The following PPP3CC variants were observed in gnomAD, a reference collection of about 807,000 sequenced individuals.
PPP3CC encodes serine/threonine-protein phosphatase 2B catalytic subunit gamma isoform.
PPP3CC carries 35 observed loss-of-function variants against 60.3 expected under a neutral mutation model. That is an observed-to-expected ratio of 0.58 (90% CI 0.44 to 0.77). PPP3CC has a LOEUF of 0.77. PPP3CC is among the 30% of genes least tolerant of loss of function. PPP3CC has a pLI of 0.00. For synonymous variants in PPP3CC, 206 were observed against 224.3 expected (o/e 0.92, Z 0.73); for missense variants, 570 against 628.9 (o/e 0.91, Z 1.00).
intron 12 of PPP3CC, among the ~76,000 whole-genome samples, chr8:22,536,196 G>T (rs561384060): frequency 6.6e-6 from 1 of 152,086 alleles, no homozygotes; most frequent in Non-Finnish European, 1.5e-5. Context: ...AACTATTTCC[G>T]ATTGAATATT....
chr8:22,528,486 G>C lies in PPP3CC; in HGVS notation c.1070-20G>C. 6.8e-7 allele frequency: 1 copy of C among 1,476,622 alleles called. No individual in the cohort carries two copies. The highest frequency in any genetic ancestry group is 9.1e-7 in the Non-Finnish European group (1 of 1,098,750). The allele number at this position is 1,476,622 out of a possible 1,614,324, so 91.5% of individuals were successfully genotyped here. On this transcript the variant is annotated intron_variant, in intron 9 of 13. Transcript: ENST00000240139. ...TACCTCATTAATCGCGTAAATTTTG[G>C]ATTATTTTGTCTTACTTAGTCACAG...
chr8:22,464,714 C>G (rs1230705832), intron 1 of PPP3CC, among the ~76,000 whole-genome samples: 1 of 152,044 alleles, frequency 6.6e-6, no homozygotes, highest in Non-Finnish European at 1.5e-5. Flanking sequence ...ACTGATGATT[C>G]CAAGAGCCTT....
chr8:22,528,315 A>C (rs28764003), intron 9 of PPP3CC, among the ~76,000 whole-genome samples, 191 bp from the exon 10 acceptor site: 1 of 152,218 alleles, frequency 6.6e-6, no homozygotes, highest in Non-Finnish European at 1.5e-5. Flanking sequence ...TGGAGCAAGT[A>C]ATCTACCCAA....
chr8:22,519,167 G>A (rs1839337223), intron 6 of PPP3CC, among the ~76,000 whole-genome samples: 1 of 152,092 alleles, frequency 6.6e-6, no homozygotes, highest in South Asian at 2.1e-4. Flanking sequence ...CTGACTTAAA[G>A]TTTATTTTGT....
intron 6 of PPP3CC, among the ~76,000 whole-genome samples, chr8:22,519,067 G>A (rs564391958): frequency 6.6e-6 from 1 of 152,132 alleles, no homozygotes; most frequent in African/African-American, 2.4e-5. Flanking sequence ...TTGATGTTGG[G>A]CACATATATA....
rs71206523 is a variant in PPP3CC at position 22,496,485 on chromosome 8, C to CTTTTTT, written c.373-1491_373-1486dup. Among the ~76,000 whole-genome samples, 25 of 43,582 alleles carry CTTTTTT rather than the reference C, an allele frequency of 5.7e-4. 6 individuals are homozygous for CTTTTTT. The highest frequency in any genetic ancestry group is 5.3e-3 in the East Asian group (6 of 1,130). The allele number at this position is 43,582 out of a possible 152,430, so 28.6% of individuals were successfully genotyped here. On this transcript the variant is annotated intron_variant, in intron 3 of 13. Coordinates refer to ENST00000240139, the MANE Select transcript of PPP3CC (RefSeq NM_005605.5). Reference sequence around the variant, plus strand: ...AAGTTAAATTAGGGAGAACTGTAATCTTTTTTTTTTTTTTTTTTTTTTTTT... The same window carrying CTTTTTT: ...AAGTTAAATTAGGGAGAACTGTAATCTTTTTTTTTTTTTTTTTTTTTTTTTTTTTTT...
chr8:22,504,686 G>C (rs1468020986), intron 4 of PPP3CC, among the ~76,000 whole-genome samples: 2 of 151,666 alleles, frequency 1.3e-5, no homozygotes, highest in Non-Finnish European at 2.9e-5. Context: ...CATAGTGCCT[G>C]CCTCCCTCCC....
chr8:22,495,569 ATTG>A lies in PPP3CC; in HGVS notation c.373-2429_373-2427del, dbSNP rs1217451146. Among the ~76,000 whole-genome samples the A allele has an allele frequency of 7.3e-5, 11 of 151,542 alleles. No homozygotes were observed. In the South Asian group the frequency reaches 2.1e-3, roughly 29 times the overall value. Reference sequence around the variant, plus strand: ...AAATTATATTATTATTATTATTATTATTGTTATTATTTTTGGGATGGAGTTTCT... The same window carrying A: ...AAATTATATTATTATTATTATTATTATTATTATTTTTGGGATGGAGTTTCT... On this transcript the variant is annotated intron_variant, in intron 3 of 13. Transcript: ENST00000240139.
rs555409605 is a variant in PPP3CC at position 22,477,360 on chromosome 8, C to T, written c.372+1736C>T. Among the ~76,000 whole-genome samples the T allele has an allele frequency of 3.9e-5, 6 of 151,952 alleles. No individual in the cohort carries two copies. The South Asian group carries it at 1.3e-3, about 32-fold the overall frequency. The stretch of plus-strand genomic sequence containing the variant: ...GGCATGGTGGTGGGCGCCTGTAATC[C>T]CAGCTACTTGAGAGGCTGAGGCAGG... On this transcript the variant is annotated intron_variant, in intron 3 of 13. Coordinates refer to ENST00000240139, the MANE Select transcript of PPP3CC (RefSeq NM_005605.5).
intron 4 of PPP3CC, among the ~76,000 whole-genome samples, chr8:22,504,855 C>T (rs1838865996): frequency 6.6e-6 from 1 of 151,924 alleles, no homozygotes; most frequent in African/African-American, 2.4e-5. Context: ...GCTGGGACTA[C>T]AGGCACGAGC....
chr8:22,479,947 A>G (rs891163629), intron 3 of PPP3CC, among the ~76,000 whole-genome samples: 5 of 152,164 alleles, frequency 3.3e-5, no homozygotes, highest in African/African-American at 9.7e-5. Context: ...CATGTAATCA[A>G]TTTATATTCT....
At position 22,540,926 on chromosome 8, in the gene PPP3CC, T is replaced by G; in HGVS notation, c.*124T>G. ...GTGGAGGTGCATTTATAATTCAGTC[T>G]GCATTTATTCTGTAAAAAGGTGGCT... On this transcript the variant is annotated 3_prime_UTR_variant, in exon 14 of 14. Coordinates refer to ENST00000240139, the MANE Select transcript of PPP3CC (RefSeq NM_005605.5). The G allele has an allele frequency of 1.1e-6, 1 of 899,330 alleles. No homozygotes were observed. Among genetic ancestry groups the G allele is most frequent in the Non-Finnish European group, 1.6e-6 (1 of 642,830 alleles). 55.7% of individuals were successfully genotyped at this position (899,330 alleles called of 1,614,324 possible). A position where few individuals can be genotyped will look rare whatever the true frequency, so the allele number is the denominator to read the frequency against.
At position 22,441,124 on chromosome 8, in the gene PPP3CC, G is replaced by C. The variant is rs1041446607; in HGVS notation, c.-286G>C. On this transcript the variant is annotated 5_prime_UTR_variant, in exon 1 of 14. Coordinates refer to ENST00000240139, the MANE Select transcript of PPP3CC (RefSeq NM_005605.5). ...GCGAGCAGCCGCGGCCGTCCCGGTC[G>C]CCACCCTTAGCAGCGGTCGCGGTCG... 1 of 307,678 alleles carries C rather than the reference G, an allele frequency of 3.3e-6. No individual in the cohort carries two copies. Among genetic ancestry groups the C allele is most frequent in the Admixed American group, 5.1e-5 (1 of 19,718 alleles). 19.1% of individuals were successfully genotyped at this position (307,678 alleles called of 1,614,324 possible).
intron 5 of PPP3CC, among the ~76,000 whole-genome samples, chr8:22,512,978 A>G (rs532873402): frequency 6.6e-6 from 1 of 152,172 alleles, no homozygotes; most frequent in African/African-American, 2.4e-5. Context: ...AGGGAGGGTG[A>G]GGCAGGAGAA....
At chr8:22,511,328 C>A in intron 5 of PPP3CC, 97 bp downstream of exon 5, 1 of 1,330,480 alleles carries the variant, frequency 7.5e-7, no homozygotes, top group South Asian at 1.4e-5. Flanking sequence ...CTCTCTCTTT[C>A]ACCCGGGCTG....
chr8:22,503,586 G>C (rs955364351), intron 4 of PPP3CC, among the ~76,000 whole-genome samples: 1 of 152,034 alleles, frequency 6.6e-6, no homozygotes, highest in Non-Finnish European at 1.5e-5. Context: ...GAATACATGA[G>C]ATATTTTGAT....
At chr8:22,441,681 C>T (rs1280982640) in intron 1 of PPP3CC, among the ~76,000 whole-genome samples, 1 of 152,160 alleles carries the variant, frequency 6.6e-6, no homozygotes, top group Non-Finnish European at 1.5e-5. Context: ...AGTTCCCTCC[C>T]GAAGGGTTCA....
At chr8:22,525,701 G>T (rs182116936) in intron 8 of PPP3CC, among the ~76,000 whole-genome samples, 10 of 151,642 alleles carry the variant, frequency 6.6e-5, no homozygotes, top group Non-Finnish European at 1.0e-4. Context: ...GGGACCACAG[G>T]TGCATGCCGC....
intron 3 of PPP3CC, among the ~76,000 whole-genome samples, chr8:22,484,419 T>G (rs561781685): frequency 4.7e-4 from 72 of 152,314 alleles, no homozygotes; most frequent in African/African-American, 1.7e-3. Context: ...TTTAGAGTTT[T>G]GGTCATGAAA....
Sources: gnomAD v4.1 joint callset for allele counts (sites outside exome capture counted in the v4.1 genomes callset) on GRCh38, gnomAD v4.1.1 for gene constraint, MANE v1.5 for transcripts, NCBI Gene and HGNC (gene_info 2026-07-23, HGNC 2026-07-21) for gene names.